Variants in GLCE observed in about 807,000 individuals in gnomAD.
GLCE encodes the protein glucuronic acid epimerase, also known as D-glucuronyl C5-epimerase.
In GLCE, 19 loss-of-function variants were observed where a neutral mutation model predicts 47.9. The observed-to-expected ratio is 0.40, with a 90% CI of 0.28 to 0.58. The LOEUF is 0.58. Ranked by LOEUF, GLCE falls within the 20% of genes least tolerant of loss-of-function variation. The probability of loss-of-function intolerance (pLI) is 0.48; values close to 1 mark genes in which losing one functional copy is unlikely to be tolerated. For synonymous variants in GLCE, 245 were observed against 263.4 expected (o/e 0.93, Z 0.68); for missense variants, 556 against 743.3 (o/e 0.75, Z 2.93).
intron 1 of GLCE, among the ~76,000 whole-genome samples, chr15:69,188,033 CA>C (rs2051851838): frequency 6.6e-6 from 1 of 152,092 alleles, no homozygotes; most frequent in Admixed American, 6.5e-5. Flanking sequence ...CACTGCACTC[CA>C]GCCTGGGTGA....
chr15:69,166,876 T>C (rs1381507850), intron 1 of GLCE, among the ~76,000 whole-genome samples: 15 of 122,834 alleles, frequency 1.2e-4, no homozygotes, highest in Non-Finnish European at 2.2e-4. Context: ...GCCGAGATTG[T>C]CCAGCCTGGC....
At chr15:69,176,923 C>T (rs1048157249) in intron 1 of GLCE, among the ~76,000 whole-genome samples, 1 of 151,936 alleles carries the variant, frequency 6.6e-6, no homozygotes, top group African/African-American at 2.4e-5. Context: ...TTAGTTGGTT[C>T]TTGAGACTTA....
intron 2 of GLCE, among the ~76,000 whole-genome samples, chr15:69,230,338 G>T (rs943382220): frequency 6.6e-6 from 1 of 151,916 alleles, no homozygotes; most frequent in African/African-American, 2.4e-5. Flanking sequence ...GAAGTATGAA[G>T]GACATTTGAT....
chr15:69,169,375 A>G (rs1325379049), intron 1 of GLCE, among the ~76,000 whole-genome samples: 1 of 152,164 alleles, frequency 6.6e-6, no homozygotes, highest in Non-Finnish European at 1.5e-5. Context: ...ACATATCTCC[A>G]TATATATACA....
intron 2 of GLCE, among the ~76,000 whole-genome samples, chr15:69,218,435 G>A (rs1233729487): frequency 6.6e-6 from 1 of 152,040 alleles, no homozygotes; most frequent in African/African-American, 2.4e-5. Context: ...GATCGCTTGA[G>A]CCTGGGAGGC....
chr15:69,175,828 C>A lies in GLCE; in HGVS notation c.-105+15071C>A, dbSNP rs145380957. On this transcript the variant is annotated intron_variant, in intron 1 of 4. Coordinates refer to ENST00000261858, the MANE Select transcript of GLCE (RefSeq NM_015554.3). ...GCTTCTTCATGTGGGGGCATCTCTG[C>A]AATGTAAATTGCTATTTTCCAGTTA... Among the ~76,000 whole-genome samples the A allele has an allele frequency of 5.3e-4, 80 of 152,234 alleles. 1 individual carries two copies. Among genetic ancestry groups the A allele is most frequent in the Non-Finnish European group, 9.7e-4 (66 of 68,024 alleles).
intron 1 of GLCE, among the ~76,000 whole-genome samples, chr15:69,198,624 A>G (rs1372840021): frequency 6.6e-6 from 1 of 152,192 alleles, no homozygotes. Context: ...CAAGAGGGCA[A>G]GAAAAAGTGC....
At chr15:69,171,743 G>A (rs1342611059) in intron 1 of GLCE, among the ~76,000 whole-genome samples, 1 of 152,012 alleles carries the variant, frequency 6.6e-6, no homozygotes, top group African/African-American at 2.4e-5. Flanking sequence ...CTAAAATTTG[G>A]GAATGACTAT....
chr15:69,165,949 A>G (rs1243160809), intron 1 of GLCE, among the ~76,000 whole-genome samples: 1 of 152,204 alleles, frequency 6.6e-6, no homozygotes, highest in Non-Finnish European at 1.5e-5. Context: ...TTTGTGTTTA[A>G]GAAATAAGAC....
At chr15:69,177,812 T>G (rs1257652218) in intron 1 of GLCE, among the ~76,000 whole-genome samples, 2 of 152,212 alleles carry the variant, frequency 1.3e-5, no homozygotes, top group Non-Finnish European at 1.5e-5. Flanking sequence ...AACTACAGAT[T>G]GATTGTTTTG....
rs745504393 is a variant in GLCE at position 69,255,964 on chromosome 15, A to C, written c.158A>C (p.Glu53Ala). The C allele has an allele frequency of 6.2e-7, 1 of 1,614,034 alleles. No homozygotes were observed. Among genetic ancestry groups the C allele is most frequent in the Non-Finnish European group, 8.5e-7 (1 of 1,179,992 alleles). The change falls in exon 3 of 5, where the codon GAA (glutamate) becomes GCA (alanine). Residue 53 changes from glutamate (E) to alanine (A), a missense_variant. Physicochemically the swap from Glu to Ala is moderately radical, Grantham distance 107. Around this residue, in one of 3 missense-constraint regions of GLCE, gnomAD observed 237 missense variants for 310.9 expected, o/e 0.76. Transcript: ENST00000261858. ...SSSGFRVDGF[E>A]KRAAASESNN... ...AGTGGCTTCAGAGTGGATGGGTTTGAAAAAAGAGCAGCAGCATCTGAGAGT... is the reference window on the plus strand; with the variant it reads ...AGTGGCTTCAGAGTGGATGGGTTTGCAAAAAGAGCAGCAGCATCTGAGAGT...
intron 4 of GLCE, among the ~76,000 whole-genome samples, chr15:69,267,358 G>A (rs2053100586): frequency 6.6e-6 from 1 of 152,096 alleles, no homozygotes; most frequent in African/African-American, 2.4e-5. Context: ...AGAAACTGAG[G>A]CTCAAAGAGG....
rs541616534 is a variant in GLCE at position 69,217,410 on chromosome 15, T to C, written c.-14+7004T>C. On this transcript the variant is annotated intron_variant, in intron 2 of 4. Transcript: ENST00000261858. Reference sequence around the variant, plus strand: ...AAAATTACTATATATACATATATTATAAATATATATTTTATTTCCTTTTTC... The same window carrying C: ...AAAATTACTATATATACATATATTACAAATATATATTTTATTTCCTTTTTC... Among the ~76,000 whole-genome samples, 59 of 151,302 alleles carry C rather than the reference T, an allele frequency of 3.9e-4. No homozygotes were observed. The South Asian group carries it at 0.012, about 31-fold the overall frequency.
At position 69,216,330 on chromosome 15, in the gene GLCE, T is replaced by G. The variant is rs571938822; in HGVS notation, c.-14+5924T>G. ...AAAGAAACCTGATACTGTCTTAGGATATCTGTCAATATGGACAAACTTTGG... is the reference window on the plus strand; with the variant it reads ...AAAGAAACCTGATACTGTCTTAGGAGATCTGTCAATATGGACAAACTTTGG... On this transcript the variant is annotated intron_variant, in intron 2 of 4. Coordinates refer to ENST00000261858, the MANE Select transcript of GLCE (RefSeq NM_015554.3). Among the ~76,000 whole-genome samples the G allele has an allele frequency of 7.2e-4, 109 of 152,264 alleles. 1 individual carries two copies. Among genetic ancestry groups the G allele is most frequent in the Admixed American group, 2.6e-4 (4 of 15,292 alleles).
intron 2 of GLCE, among the ~76,000 whole-genome samples, chr15:69,220,626 G>T (rs895264609): frequency 6.6e-6 from 1 of 152,058 alleles, no homozygotes; most frequent in Non-Finnish European, 1.5e-5. Context: ...TTTGAATTCG[G>T]TCGTTTGCTT....
chr15:69,252,384 C>T (rs2140434503), intron 2 of GLCE, among the ~76,000 whole-genome samples: 2 of 152,308 alleles, frequency 1.3e-5, no homozygotes, highest in East Asian at 3.9e-4. Flanking sequence ...AAAGCTGGAG[C>T]AAGCAGGTCA....
At chr15:69,243,448 C>A (rs1041586136) in intron 2 of GLCE, among the ~76,000 whole-genome samples, 1 of 151,290 alleles carries the variant, frequency 6.6e-6, no homozygotes, top group African/African-American at 2.4e-5. Context: ...GCTTCAAAGC[C>A]GATTTATTGG....
intron 2 of GLCE, among the ~76,000 whole-genome samples, chr15:69,216,335 G>C (rs988059320): frequency 1.3e-5 from 2 of 152,110 alleles, no homozygotes; most frequent in Admixed American, 6.5e-5. Flanking sequence ...TAGGATATCT[G>C]TCAATATGGA....
At chr15:69,229,174 A>G (rs1051383069) in intron 2 of GLCE, among the ~76,000 whole-genome samples, 1 of 152,370 alleles carries the variant, frequency 6.6e-6, no homozygotes. Flanking sequence ...ATAATATAAA[A>G]GGTCCATACA....
Sources: allele counts gnomAD v4.1 joint callset (sites outside exome capture counted in the v4.1 genomes callset), GRCh38; gene constraint gnomAD v4.1.1; regional missense constraint gnomAD v4.1.1; transcripts MANE v1.5; gene names NCBI Gene and HGNC (gene_info 2026-07-23, HGNC 2026-07-21).